Variants in TLN2 observed in about 807,000 individuals in gnomAD.
TLN2 encodes the protein talin-2.
Under a neutral mutation model 294.7 loss-of-function variants are expected in TLN2, and 118 were observed. That is an observed-to-expected ratio of 0.40 (90% confidence interval 0.34 to 0.47). The LOEUF is 0.47. TLN2 is among the 20% of genes least tolerant of loss of function. TLN2 has a pLI of 0.84. For synonymous variants in TLN2, 1,431 were observed against 1,304.5 expected (o/e 1.10, Z -2.09); for missense variants, 3,083 against 3,282.2 (o/e 0.94, Z 1.48).
intron 1 of TLN2, among the ~76,000 whole-genome samples, chr15:62,514,098 A>G (rs2040068318): frequency 6.6e-6 from 1 of 152,234 alleles, no homozygotes; most frequent in Non-Finnish European, 1.5e-5. Flanking sequence ...CACAGCACAC[A>G]CTGTACCTAG....
At chr15:62,448,108 G>A (rs2035921078) in intron 1 of TLN2, among the ~76,000 whole-genome samples, 1 of 152,190 alleles carries the variant, frequency 6.6e-6, no homozygotes, top group African/African-American at 2.4e-5. Context: ...CGAACTTGGA[G>A]CAGAAGCAGC....
At chr15:62,837,726 A>C (rs2069912042) in intron 57 of TLN2, among the ~76,000 whole-genome samples, 1 of 152,208 alleles carries the variant, frequency 6.6e-6, no homozygotes, top group Admixed American at 6.5e-5. Context: ...AGTGGGCTAA[A>C]GATTTCTGAC....
At chr15:62,805,528 G>A in intron 50 of TLN2, 72 bp from the exon 51 acceptor site, 1 of 1,449,182 alleles carries the variant, frequency 6.9e-7, no homozygotes, top group Non-Finnish European at 9.2e-7. Flanking sequence ...GCTACAGCCT[G>A]GTTGGAGAAG....
intron 1 of TLN2, among the ~76,000 whole-genome samples, chr15:62,565,774 A>G (rs1481597721): frequency 6.6e-6 from 1 of 152,190 alleles, no homozygotes; most frequent in Admixed American, 6.5e-5. Context: ...TCAGCTTTCA[A>G]ATAATAAAAT....
rs139201847 is a variant in TLN2 at position 62,601,902 on chromosome 15, G to C, written c.-162+12140G>C. On this transcript the variant is annotated intron_variant, in intron 2 of 58. Transcript: ENST00000636159. ...GCTCAGATTGTCCCATATTTGGCCA[G>C]TGGAATCTAAATTGGCTCCCGAGTC... Among the ~76,000 whole-genome samples the C allele has an allele frequency of 5.7e-3, 863 of 152,290 alleles. 14 individuals are homozygous for C. The highest frequency in any genetic ancestry group is 0.02 in the African/African-American group (835 of 41,558).
intron 12 of TLN2, among the ~76,000 whole-genome samples, chr15:62,692,508 T>C (rs1002344872): frequency 1.3e-5 from 2 of 152,150 alleles, no homozygotes; most frequent in African/African-American, 2.4e-5. Context: ...AAAAGCATGC[T>C]TTTCAGGAAC....
intron 9 of TLN2, among the ~76,000 whole-genome samples, chr15:62,671,083 C>G (rs2055352559): frequency 6.6e-6 from 1 of 152,142 alleles, no homozygotes; most frequent in South Asian, 2.1e-4. Context: ...TGTATCTCTT[C>G]TTTGGAGAAA....
At chr15:62,795,408 A>G (rs970076092) in intron 46 of TLN2, among the ~76,000 whole-genome samples, 1 of 152,122 alleles carries the variant, frequency 6.6e-6, no homozygotes, top group African/African-American at 2.4e-5. Flanking sequence ...ATGTCATAGG[A>G]AAGTACCTCG....
In TLN2 at chr15:62,835,875, C is replaced by T. The variant is rs201243987; in HGVS notation, c.7192-16C>T. 757 of 1,614,070 alleles carry T rather than the reference C, an allele frequency of 4.7e-4. No homozygotes were observed. The highest frequency in any genetic ancestry group is 5.9e-4 in the Non-Finnish European group (693 of 1,180,032). ...AGGTTTGGGCCTTGGGTCACTTCTC[C>T]GTTGACTGTCCCCAGGCCCGGATGG... is the stretch of plus-strand genomic sequence containing the variant. On this transcript the variant is annotated splice_polypyrimidine_tract_variant and intron_variant, in intron 56 of 58. Transcript: ENST00000636159.
At chr15:62,669,730 G>A (rs751870318) in intron 9 of TLN2, among the ~76,000 whole-genome samples, 1 of 152,148 alleles carries the variant, frequency 6.6e-6, no homozygotes, top group Non-Finnish European at 1.5e-5. Flanking sequence ...CTCAGGTTTG[G>A]TAATCAAAAC....
intron 57 of TLN2, among the ~76,000 whole-genome samples, chr15:62,837,510 G>T (rs1041876152): frequency 6.6e-6 from 1 of 152,102 alleles, no homozygotes; most frequent in Non-Finnish European, 1.5e-5. Context: ...GCTTTGTTAG[G>T]TCCTAAGGAT....
At chr15:62,804,164 T>A (rs780692933) in intron 50 of TLN2, among the ~76,000 whole-genome samples, 7 of 152,176 alleles carry the variant, frequency 4.6e-5, no homozygotes, top group Non-Finnish European at 8.8e-5. Flanking sequence ...AGGGGTGGGG[T>A]GACACAGGTA....
At chr15:62,705,210 G>C (rs1211140720) in intron 19 of TLN2, among the ~76,000 whole-genome samples, 1 of 152,206 alleles carries the variant, frequency 6.6e-6, no homozygotes, top group Non-Finnish European at 1.5e-5. Flanking sequence ...GGACAGGCCA[G>C]ACTTGAATGT....
Position 62,811,386 on chromosome 15 carries a change from T to TA in TLN2, c.6771+1357dup, listed in dbSNP as rs1028863053. The stretch of plus-strand genomic sequence containing the variant: ...CTAGCTAGACAGGTTGGGAAATAGT[T>TA]AAAGTGTTCAGTCTGTAAGTGTGCC... On this transcript the variant is annotated intron_variant, in intron 52 of 58. Coordinates refer to ENST00000636159, the MANE Select transcript of TLN2 (RefSeq NM_015059.3). Among the ~76,000 whole-genome samples, 4 of 152,208 alleles carry TA rather than the reference T, an allele frequency of 2.6e-5. 1 individual carries two copies. The highest frequency in any genetic ancestry group is 4.4e-5 in the Non-Finnish European group (3 of 68,036).
intron 3 of TLN2, among the ~76,000 whole-genome samples, chr15:62,618,872 A>G (rs769251856): frequency 2.6e-5 from 4 of 152,210 alleles, no homozygotes; most frequent in Non-Finnish European, 5.9e-5. Flanking sequence ...GAAAATGTGC[A>G]TTGTTAAAAT....
At chr15:62,611,540 CA>C (rs764474644) in intron 2 of TLN2, among the ~76,000 whole-genome samples, 1 of 152,200 alleles carries the variant, frequency 6.6e-6, no homozygotes, top group African/African-American at 2.4e-5. Context: ...GACCACATCC[CA>C]CCAAGTGGTT....
intron 1 of TLN2, among the ~76,000 whole-genome samples, chr15:62,532,542 C>T (rs1465988984): frequency 6.6e-6 from 1 of 152,212 alleles, no homozygotes; most frequent in East Asian, 1.9e-4. Flanking sequence ...TTGGCAGCCA[C>T]AGTCCTGTCC....
chr15:62,708,713 G>A lies in TLN2; in HGVS notation c.2384G>A (p.Gly795Asp). Residue 795 changes from glycine (G) to aspartate (D), a missense_variant, in exon 21 of 59, where the codon GGC (glycine) becomes GAC (aspartate). Physicochemically the swap from Gly to Asp is moderately conservative, Grantham distance 94. Transcript: ENST00000636159. ...LQHVRQFASR[G>D]EPIGRYDQAT... ...CATGTGCGGCAGTTTGCCAGCCGAG[G>A]CGAGCCCATCGGCCGCTACGACCAG... is the stretch of plus-strand genomic sequence containing the variant. 3 of 1,613,478 alleles carry A rather than the reference G, an allele frequency of 1.9e-6. No individual in the cohort carries two copies. The highest frequency in any genetic ancestry group is 2.5e-6 in the Non-Finnish European group (3 of 1,180,038).
intron 1 of TLN2, among the ~76,000 whole-genome samples, chr15:62,462,663 AC>A (rs2036870360): frequency 6.6e-6 from 1 of 152,076 alleles, no homozygotes; most frequent in East Asian, 1.9e-4. Context: ...ATAATGAGAG[AC>A]CAGAGCTGGA....
Sources: allele counts gnomAD v4.1 joint callset (sites outside exome capture counted in the v4.1 genomes callset), GRCh38; gene constraint gnomAD v4.1.1; transcripts MANE v1.5; gene names NCBI Gene and HGNC (gene_info 2026-07-23, HGNC 2026-07-21).